Variants in EPPIN observed in about 807,000 individuals in gnomAD.
EPPIN encodes the protein epididymal peptidase inhibitor.
Under a neutral mutation model 18.8 loss-of-function variants are expected in EPPIN, and 14 were observed. That is an observed-to-expected ratio of 0.75 (90% CI 0.49 to 1.17). The LOEUF (loss-of-function observed/expected upper bound fraction) is 1.17, where lower values mean the gene tolerates loss of function less well. Ranked by LOEUF, EPPIN falls within the 50% of genes most tolerant of loss-of-function variation. EPPIN has a pLI of 0.00. For synonymous variants in EPPIN, 57 were observed against 54.8 expected (o/e 1.04, Z -0.18); for missense variants, 143 against 154.2 (o/e 0.93, Z 0.39).
intron 2 of EPPIN, 166 bp from the exon 3 acceptor site, chr20:45,543,033 G>A (rs781630025): frequency 8.9e-6 from 10 of 1,121,084 alleles, no homozygotes; most frequent in Non-Finnish European, 1.2e-5. Flanking sequence ...CATTTGCAAG[G>A]AGACCCCAGA....
rs548562423 is a variant in EPPIN, at chr20:45,541,380, C to T, written c.*764G>A. 5.3e-5 allele frequency: 8 copies of T among 152,208 alleles called. No homozygotes were observed. The highest frequency in any genetic ancestry group is 1.2e-4 in the African/African-American group (5 of 41,522). 9.4% of individuals were successfully genotyped at this position (152,208 alleles called of 1,614,324 possible). On this transcript the variant is annotated 3_prime_UTR_variant, in exon 4 of 4. Coordinates refer to ENST00000354280, the MANE Select transcript of EPPIN (RefSeq NM_020398.4). ...ACCTGCAGGTCCTGCACATGTATCC[C>T]GGAACGTAAAATAAAATAAAATATT...
intron 3 of EPPIN, chr20:45,542,464 C>G (rs1373713284): frequency 1.5e-6 from 1 of 652,512 alleles, no homozygotes; most frequent in Non-Finnish European, 2.6e-6. Flanking sequence ...CTCCTAATTC[C>G]CCTCATACTT....
At chr20:45,543,668 A>G (rs573763671) in intron 2 of EPPIN, 1 of 152,360 alleles carries the variant, frequency 6.6e-6, no homozygotes, top group African/African-American at 2.4e-5. Flanking sequence ...GCTTCCCACC[A>G]GAGAGAAGGA....
chr20:45,547,184 C>T, intron 1 of EPPIN, 83 bp downstream of exon 1: 3 of 1,582,598 alleles, frequency 1.9e-6, no homozygotes, highest in East Asian at 4.5e-5. Flanking sequence ...TGGAAAGCAA[C>T]CCACATCTGA....
At chr20:45,546,243 A>C (rs1437522857) in intron 1 of EPPIN, 1 of 174,848 alleles carries the variant, frequency 5.7e-6, no homozygotes, top group Admixed American at 6.2e-5. Context: ...TTGTTGAGGA[A>C]TCCATGTTTG....
rs570956628 is a variant in EPPIN, at chr20:45,541,489, A to C, written c.*655T>G. 6.6e-6 allele frequency: 1 copy of C among 152,368 alleles called. No homozygotes were observed. Among genetic ancestry groups the C allele is most frequent in the African/African-American group, 2.4e-5 (1 of 41,562 alleles). 9.4% of individuals were successfully genotyped at this position (152,368 alleles called of 1,614,324 possible). A position where few individuals can be genotyped will look rare whatever the true frequency, so the allele number is the denominator to read the frequency against. On this transcript the variant is annotated 3_prime_UTR_variant, in exon 4 of 4. Transcript: ENST00000354280. ...ATTGAGCCACAGTAGTAACCAGCTC[A>C]TAATAGACTCTTCTCTCTTCCCTTC...
Position 45,541,800 on chromosome 20 carries a change from G to A in EPPIN, c.*344C>T, listed in dbSNP as rs1979599957. On this transcript the variant is annotated 3_prime_UTR_variant, in exon 4 of 4. Coordinates refer to ENST00000354280, the MANE Select transcript of EPPIN (RefSeq NM_020398.4). ...TCAATGATCCCTTACTCTGCAAAGT[G>A]TAATGTGCCAAAAAGATGTCAATCA... 1 of 253,280 alleles carries A rather than the reference G, an allele frequency of 3.9e-6. No individual in the cohort carries two copies. Among genetic ancestry groups the A allele is most frequent in the Non-Finnish European group, 7.6e-6 (1 of 131,772 alleles). The allele number at this position is 253,280 out of a possible 1,614,324, so 15.7% of individuals were successfully genotyped here.
intron 2 of EPPIN, chr20:45,544,172 G>A (rs1466921596): frequency 3.9e-5 from 6 of 152,238 alleles, no homozygotes; most frequent in African/African-American, 1.4e-4. Flanking sequence ...GAGGATAAAC[G>A]AAATGTATCC....
At chr20:45,545,089 GTAT>G (rs1003310675) in intron 2 of EPPIN, 5 of 153,530 alleles carry the variant, frequency 3.3e-5, no homozygotes, top group African/African-American at 1.2e-4. Context: ...CACTCAATCA[GTAT>G]TTGTTGAATG....
At position 45,545,656 on chromosome 20, in the gene EPPIN, C is replaced by T. The variant is rs1232604556; in HGVS notation, c.206G>A (p.Cys69Tyr). Residue 69 changes from cysteine (C) to tyrosine (Y), a missense_variant, in exon 2 of 4, where the codon TGT becomes TAT. Coordinates refer to ENST00000354280, the MANE Select transcript of EPPIN (RefSeq NM_020398.4). ...KCCVFSCGKKCLDLKQDVCEM... is the reference protein window; with the variant it reads ...KCCVFSCGKKYLDLKQDVCEM... Reference sequence around the variant, plus strand: ...AATATTACCTTGTTTGAGATCTAAACATTTTTTTCCGCAGCTGAAGACACA... The same window carrying T: ...AATATTACCTTGTTTGAGATCTAAATATTTTTTTCCGCAGCTGAAGACACA... The T allele has an allele frequency of 6.2e-7, 1 of 1,613,918 alleles. No individual in the cohort carries two copies. Among genetic ancestry groups the T allele is most frequent in the Non-Finnish European group, 8.5e-7 (1 of 1,179,908 alleles).
intron 1 of EPPIN, 32 bp downstream of exon 1, chr20:45,547,231 CCTCT>C: frequency 1.2e-6 from 2 of 1,612,850 alleles, no homozygotes; most frequent in African/African-American, 1.3e-5. Flanking sequence ...AGCAAACTCC[CCTCT>C]CTCTAGGGTA....
At position 45,540,853 on chromosome 20, in the gene EPPIN, AGT is replaced by A. The variant is rs1315993356; in HGVS notation, c.*1289_*1290del. 1.3e-5 allele frequency: 2 copies of A among 152,230 alleles called. No homozygotes were observed. Among genetic ancestry groups the A allele is most frequent in the Non-Finnish European group, 2.9e-5 (2 of 68,038 alleles). The allele number at this position is 152,230 out of a possible 1,614,324, so 9.4% of individuals were successfully genotyped here. The stretch of plus-strand genomic sequence containing the variant: ...AATTGGTTCAACCATTGTGGAAGAG[AGT>A]GTGCCAATTCCTGAAAGATCTAGAA... On this transcript the variant is annotated 3_prime_UTR_variant, in exon 4 of 4. Coordinates refer to ENST00000354280, the MANE Select transcript of EPPIN (RefSeq NM_020398.4).
Position 45,540,703 on chromosome 20 carries a change from A to C in EPPIN, c.*1441T>G, listed in dbSNP as rs1165457922. The C allele has an allele frequency of 6.6e-6, 1 of 152,212 alleles. No homozygotes were observed. The highest frequency in any genetic ancestry group is 2.4e-5 in the African/African-American group (1 of 41,456). The allele number at this position is 152,212 out of a possible 1,614,324, so 9.4% of individuals were successfully genotyped here. Reference sequence around the variant, plus strand: ...CACCAGTGATCATCAGAGAAATGCAAATCAAAACCACAATGAGATACCATC... The same window carrying C: ...CACCAGTGATCATCAGAGAAATGCACATCAAAACCACAATGAGATACCATC... On this transcript the variant is annotated 3_prime_UTR_variant, in exon 4 of 4. Transcript: ENST00000354280.
chr20:45,544,436 T>G (rs1234138342), intron 2 of EPPIN: 1 of 152,104 alleles, frequency 6.6e-6, no homozygotes, highest in East Asian at 1.9e-4. Context: ...GAGGGAAAGT[T>G]GTTAATTTAT....
Position 45,542,168 on chromosome 20 carries a change from AG to A in EPPIN, c.392-15del, listed in dbSNP as rs1979621671. 6.2e-7 allele frequency: 1 copy of A among 1,613,414 alleles called. No individual in the cohort carries two copies. The highest frequency in any genetic ancestry group is 1.7e-5 in the Admixed American group (1 of 59,928). On this transcript the variant is annotated splice_polypyrimidine_tract_variant and intron_variant, in intron 3 of 3. Coordinates refer to ENST00000354280, the MANE Select transcript of EPPIN (RefSeq NM_020398.4). ...ATCAGGGAAAGCCTGCAGAGAACGTAGGACAGAAACAGCTGAGCATCTTGGG... is the reference window on the plus strand; with the variant it reads ...ATCAGGGAAAGCCTGCAGAGAACGTAGACAGAAACAGCTGAGCATCTTGGG...
rs906717425 is a variant in EPPIN at position 45,542,637 on chromosome 20, C to T, written c.391+63G>A. 6 of 1,570,702 alleles carry T rather than the reference C, an allele frequency of 3.8e-6. No individual in the cohort carries two copies. In the African/African-American group the frequency reaches 4.1e-5, roughly 11 times the overall value. The stretch of plus-strand genomic sequence containing the variant: ...TGTAGCTGTCCTGGAATGGACCAGC[C>T]AACACCCAGACCTCCCGGCATGGGA... On this transcript the variant is annotated intron_variant, in intron 3 of 3. Transcript: ENST00000354280.
At position 45,542,907 on chromosome 20, in the gene EPPIN, C is replaced by G. The variant is rs181879305; in HGVS notation, c.224-40G>C. 18 of 1,576,328 alleles carry G rather than the reference C, an allele frequency of 1.1e-5. No individual in the cohort carries two copies. The African/African-American group carries it at 2.5e-4, about 22-fold the overall frequency. On this transcript the variant is annotated intron_variant, in intron 2 of 3. Coordinates refer to ENST00000354280, the MANE Select transcript of EPPIN (RefSeq NM_020398.4). ...CAGAGTTGAAAACTCAGTGTGCCCA[C>G]TCCAGAAATAAACAGTTGTTATTAT...
intron 1 of EPPIN, 132 bp downstream of exon 1, chr20:45,547,135 T>C: frequency 7.7e-7 from 1 of 1,291,658 alleles, no homozygotes; most frequent in Admixed American, 2.5e-5. Flanking sequence ...CTTACAAATA[T>C]CTCTCTCCTC....
intron 1 of EPPIN, 52 bp downstream of exon 1, chr20:45,547,215 C>A (rs377469623): frequency 6.8e-6 from 11 of 1,611,780 alleles, no homozygotes; most frequent in Non-Finnish European, 9.3e-6. Context: ...CCTGTTCCTT[C>A]CTCCCAGCAA....
Sources: allele counts gnomAD v4.1 joint callset, GRCh38; gene constraint gnomAD v4.1.1; transcripts MANE v1.5; gene names NCBI Gene and HGNC (gene_info 2026-07-23, HGNC 2026-07-21).